The following RPL35A variants were observed in gnomAD, a reference collection of about 807,000 sequenced individuals.
The protein encoded by RPL35A is large ribosomal subunit protein eL33.
Under a neutral mutation model 16.7 loss-of-function variants are expected in RPL35A, and 1 was observed. The observed-to-expected ratio is 0.06, with a 90% CI of 0.02 to 0.28. The LOEUF is 0.28. RPL35A is among the 10% of genes least tolerant of loss of function. The pLI is 1.00. For synonymous variants in RPL35A, 58 were observed against 47.0 expected (o/e 1.23, Z -0.96); for missense variants, 91 against 138.7 (o/e 0.66, Z 1.73).
chr3:197,950,311 A>C (rs903949829), intron 1 of RPL35A, 90 bp downstream of exon 1: 1 of 1,229,422 alleles, frequency 8.1e-7, no homozygotes, highest in South Asian at 4.2e-5. Flanking sequence ...TGCGTATCGG[A>C]GTCTCTGCCA....
intron 4 of RPL35A, among the ~76,000 whole-genome samples, chr3:197,954,898 G>A (rs972698710): frequency 3.3e-5 from 5 of 152,262 alleles, no homozygotes; most frequent in African/African-American, 1.2e-4. Flanking sequence ...TGGCATAATT[G>A]TTAATATTTT....
chr3:197,950,854 G>A (rs1720008207), intron 1 of RPL35A, 82 bp from the exon 2 acceptor site: 1 of 1,298,858 alleles, frequency 7.7e-7, no homozygotes, highest in Admixed American at 1.8e-5. Flanking sequence ...AAAGGAATTT[G>A]CTTTAGGGGC....
At chr3:197,951,967 T>C (rs1160104927) in intron 3 of RPL35A, among the ~76,000 whole-genome samples, 1 of 152,110 alleles carries the variant, frequency 6.6e-6, no homozygotes, top group Non-Finnish European at 1.5e-5. Context: ...AATGGGGAGT[T>C]TTAGAAGGAC....
intron 1 of RPL35A, chr3:197,950,603 GTGTGT>G: frequency 2.6e-6 from 1 of 390,422 alleles, no homozygotes; most frequent in East Asian, 4.9e-5. Flanking sequence ...AGTCTTACGT[GTGTGT>G]TTCTCTTTAA....
At chr3:197,952,122 C>T (rs911777599) in intron 3 of RPL35A, among the ~76,000 whole-genome samples, 5 of 137,984 alleles carry the variant, frequency 3.6e-5, no homozygotes, top group Non-Finnish European at 6.3e-5. Context: ...TTTTAGAACA[C>T]TTGTGCTTAA....
At chr3:197,952,383 T>A (rs1259361730) in intron 3 of RPL35A, among the ~76,000 whole-genome samples, 2 of 152,066 alleles carry the variant, frequency 1.3e-5, no homozygotes, top group Non-Finnish European at 2.9e-5. Flanking sequence ...TTGGCCAGGC[T>A]GGTCTTAAAC....
At chr3:197,955,452 C>G (rs1003639013) in intron 4 of RPL35A, among the ~76,000 whole-genome samples, 1 of 151,930 alleles carries the variant, frequency 6.6e-6, no homozygotes, top group African/African-American at 2.4e-5. Flanking sequence ...TTAGTAGAGA[C>G]AGGGTTTTAC....
chr3:197,950,448 T>C (rs1358112952), intron 1 of RPL35A: 5 of 600,212 alleles, frequency 8.3e-6, no homozygotes, highest in African/African-American at 5.8e-5. Context: ...TTCCTGGGCC[T>C]GAACGGAGTG....
chr3:197,951,327 TGG>T lies in RPL35A; in HGVS notation c.164+17_164+18del. On this transcript the variant is annotated intron_variant, in intron 3 of 4. Coordinates refer to ENST00000647248, the MANE Select transcript of RPL35A (RefSeq NM_000996.4). Reference sequence around the variant, plus strand: ...AAGCAAAGAAGTAAGTTTATGACACTGGTAGGTTTTGGGTTTTTGAGATCTGC... The same window carrying T: ...AAGCAAAGAAGTAAGTTTATGACACTTAGGTTTTGGGTTTTTGAGATCTGC... 2 of 1,613,668 alleles carry T rather than the reference TGG, an allele frequency of 1.2e-6. No individual in the cohort carries two copies. The highest frequency in any genetic ancestry group is 1.7e-6 in the Non-Finnish European group (2 of 1,179,590).
Position 197,956,566 on chromosome 3 carries a change from TTA to T in RPL35A, c.*794_*795del, listed in dbSNP as rs1720536427. 6.6e-6 allele frequency: 1 copy of T among 152,042 alleles called. No individual in the cohort carries two copies. The highest frequency in any genetic ancestry group is 1.5e-5 in the Non-Finnish European group (1 of 67,992). The allele number at this position is 152,042 out of a possible 1,614,324, so 9.4% of individuals were successfully genotyped here. On this transcript the variant is annotated 3_prime_UTR_variant, in exon 5 of 5. Transcript: ENST00000647248. ...ACTTTAAGCAGGCCTCCTAAATATT[TTA>T]GATTTCTTGGGGATATGCTAAAATA...
rs982499988 is a variant in RPL35A at position 197,955,942 on chromosome 3, C to T, written c.*169C>T. 11 of 644,488 alleles carry T rather than the reference C, an allele frequency of 1.7e-5. No individual in the cohort carries two copies. Among genetic ancestry groups the T allele is most frequent in the Admixed American group, 2.4e-5 (1 of 41,872 alleles). The allele number at this position is 644,488 out of a possible 1,614,324, so 39.9% of individuals were successfully genotyped here. A position where few individuals can be genotyped will look rare whatever the true frequency, so the allele number is the denominator to read the frequency against. On this transcript the variant is annotated 3_prime_UTR_variant, in exon 5 of 5. Coordinates refer to ENST00000647248, the MANE Select transcript of RPL35A (RefSeq NM_000996.4). ...GAGACATGTGATGAAAATTACAGGG[C>T]GAGTACAGAGATTTAGAAGGGAACG...
rs1440792535 is a variant in RPL35A at position 197,951,288 on chromosome 3, C to T, written c.141C>T (p.Cys47=). 3.1e-6 allele frequency: 5 copies of T among 1,613,876 alleles called. No homozygotes were observed. The highest frequency in any genetic ancestry group is 2.7e-5 in the African/African-American group (2 of 74,886). ...CAGAATTCTATTTGGGCAAGAGATG[C>T]GCTTATGTATATAAAGCAAAGAAGT... is the stretch of plus-strand genomic sequence containing the variant. ...DETEFYLGKR[C]AYVYKAKNNT... The change falls in exon 3 of 5, where the codon TGC becomes TGT. Residue 47 remains cysteine, a synonymous_variant. Transcript: ENST00000647248.
intron 3 of RPL35A, among the ~76,000 whole-genome samples, chr3:197,952,183 T>C (rs1278394705): frequency 7.2e-6 from 1 of 139,550 alleles, no homozygotes; most frequent in African/African-American, 2.8e-5. Context: ...TTTTTTTTTT[T>C]TTTTTGGAGA....
intron 4 of RPL35A, among the ~76,000 whole-genome samples, chr3:197,955,262 T>C (rs1466016069): frequency 6.6e-6 from 1 of 151,628 alleles, no homozygotes; most frequent in Non-Finnish European, 1.5e-5. Context: ...TCAGTACATG[T>C]TTTTCTTTTT....
chr3:197,952,537 C>G (rs894434186), intron 3 of RPL35A: 1 of 151,718 alleles, frequency 6.6e-6, no homozygotes, highest in Non-Finnish European at 1.5e-5. Context: ...TCTTGTTATC[C>G]AGGCTAAAGT....
At chr3:197,954,179 G>C (rs1255397196) in intron 4 of RPL35A, 32 bp downstream of exon 4, 1 of 1,612,366 alleles carries the variant, frequency 6.2e-7, no homozygotes, top group Non-Finnish European at 8.5e-7. Context: ...ATGGACGTCT[G>C]ATGAATCAGA....
At chr3:197,953,436 CTCAT>C (rs1316608513) in intron 3 of RPL35A, 7 of 456,606 alleles carry the variant, frequency 1.5e-5, no homozygotes, top group African/African-American at 1.0e-4. Context: ...AGTAGTTTCT[CTCAT>C]TCAGTAAAAG....
chr3:197,953,883 A>T, intron 3 of RPL35A, 120 bp from the exon 4 acceptor site: 1 of 902,608 alleles, frequency 1.1e-6, no homozygotes, highest in Non-Finnish European at 1.8e-6. Context: ...CTAGGCATTT[A>T]AAGTTTCTCA....
chr3:197,950,412 C>A, intron 1 of RPL35A, 191 bp downstream of exon 1: 1 of 994,876 alleles, frequency 1.0e-6, no homozygotes, highest in Non-Finnish European at 1.3e-6. Flanking sequence ...ACCCGGAGAA[C>A]GGCTGCCCGG....
Sources: gnomAD v4.1 joint callset for allele counts (sites outside exome capture counted in the v4.1 genomes callset) on GRCh38, gnomAD v4.1.1 for gene constraint, MANE v1.5 for transcripts, NCBI Gene and HGNC (gene_info 2026-07-23, HGNC 2026-07-21) for gene names.